BMP1: variants seen among roughly 807,000 people sequenced by gnomAD.
BMP1 encodes the protein bone morphogenetic protein 1.
BMP1 carries 63 observed loss-of-function variants against 116.8 expected under a neutral mutation model. The ratio of observed to expected loss-of-function variants is 0.54; its 90% confidence interval spans 0.44 to 0.67. BMP1 has a LOEUF of 0.67. Among genes scored for constraint, BMP1 ranks in the 30% least tolerant of loss-of-function variants. The pLI is 0.00. For missense variants in BMP1, 1,183 were observed against 1,358.9 expected, an observed-to-expected ratio of 0.87 and a Z score of 2.04; for synonymous variants, 536 against 533.4, an observed-to-expected ratio of 1.00 and a Z score of -0.07.
chr8:22,166,839 G>A (rs1233185678), intron 1 of BMP1, among the ~76,000 whole-genome samples: 3 of 152,156 alleles, frequency 2.0e-5, no homozygotes, highest in East Asian at 1.9e-4. Context: ...CATTTTTCTC[G>A]CTGGGGGCTG....
chr8:22,211,470 G>A (rs1306797178), intron 19 of BMP1, 124 bp from the exon 20 acceptor site: 1 of 1,361,338 alleles, frequency 7.3e-7, no homozygotes, highest in African/African-American at 1.4e-5. Flanking sequence ...ATGCTTCAAG[G>A]GGCGGGGAGA....
At chr8:22,208,980 C>A (rs1450746219) in intron 18 of BMP1, among the ~76,000 whole-genome samples, 3 of 152,226 alleles carry the variant, frequency 2.0e-5, no homozygotes, top group Non-Finnish European at 4.4e-5. Flanking sequence ...CTCCATCTGG[C>A]CCTCAGACCT....
At chr8:22,188,523 C>T (rs957886921) in intron 8 of BMP1, among the ~76,000 whole-genome samples, 1 of 152,150 alleles carries the variant, frequency 6.6e-6, no homozygotes, top group African/African-American at 2.4e-5. Flanking sequence ...AGCCACAGGC[C>T]CAAGTCACCA....
intron 16 of BMP1, among the ~76,000 whole-genome samples, chr8:22,202,315 T>C (rs1829282239): frequency 6.6e-6 from 1 of 152,244 alleles, no homozygotes; most frequent in Non-Finnish European, 1.5e-5. Context: ...TCACTAGCTG[T>C]GTGCCTTTGA....
At position 22,177,118 on chromosome 8, in the gene BMP1, G is replaced by A. The variant is rs766665966; in HGVS notation, c.709G>A (p.Val237Ile). 6 of 1,608,698 alleles carry A rather than the reference G, an allele frequency of 3.7e-6. No individual in the cohort carries two copies. Among genetic ancestry groups the A allele is most frequent in the African/African-American group, 1.3e-5 (1 of 74,784 alleles). ...AGACCGGGACCGCCACGTTTCCATC[G>A]TTCGTGAGAACATCCAGCCAGGTAG... ...RPDRDRHVSI[V>I]RENIQPGQEY... The change falls in exon 5 of 20, where the codon GTT becomes ATT. Residue 237 changes from valine (V) to isoleucine (I), a missense_variant. Physicochemically the swap from Val to Ile is conservative, Grantham distance 29. Coordinates refer to ENST00000306385, the MANE Select transcript of BMP1 (RefSeq NM_006129.5).
At chr8:22,199,359 C>T (rs1405424265) in intron 15 of BMP1, 1 of 1,314,262 alleles carries the variant, frequency 7.6e-7, no homozygotes, top group African/African-American at 1.5e-5. Context: ...TGACCCCTGC[C>T]ACCTTCCGGG....
intron 2 of BMP1, among the ~76,000 whole-genome samples, chr8:22,175,194 T>C (rs1828397401): frequency 6.6e-6 from 1 of 152,226 alleles, no homozygotes; most frequent in Admixed American, 6.5e-5. Context: ...GCCAAACCTT[T>C]GGCCTTAGTT....
Position 22,165,673 on chromosome 8 carries a change from A to AGT in BMP1, c.148+122_148+123dup, listed in dbSNP as rs1828074051. Reference sequence around the variant, plus strand: ...CCGGGAGCTGCCTGGTTGGCAATGCAGTGGGGAACAAAAGAACGAGGGGGA... The same window carrying AGT: ...CCGGGAGCTGCCTGGTTGGCAATGCAGTGTGGGGAACAAAAGAACGAGGGGGA... On this transcript the variant is annotated intron_variant, in intron 1 of 19. Coordinates refer to ENST00000306385, the MANE Select transcript of BMP1 (RefSeq NM_006129.5). 12 of 766,058 alleles carry AGT rather than the reference A, an allele frequency of 1.6e-5. No homozygotes were observed. The South Asian group carries it at 3.1e-4, about 19-fold the overall frequency. The allele number at this position is 766,058 out of a possible 1,614,324, so 47.5% of individuals were successfully genotyped here. A position where few individuals can be genotyped will look rare whatever the true frequency, so the allele number is the denominator to read the frequency against.
chr8:22,206,941 C>T lies in BMP1; in HGVS notation c.2321C>T (p.Thr774Met), dbSNP rs750695022. The T allele has an allele frequency of 1.1e-5, 17 of 1,614,084 alleles. No homozygotes were observed. Among genetic ancestry groups the T allele is most frequent in the East Asian group, 6.7e-5 (3 of 44,894 alleles). Residue 774 changes from threonine to methionine, a missense_variant, in exon 17 of 20, where the codon ACG becomes ATG. Transcript: ENST00000306385. ...PDKYPSKKEC[T>M]WAISSTPGHR... ...AAGTATCCCAGCAAGAAGGAGTGCA[C>T]GTGGGCCATCTCCAGCACCCCCGGG...
intron 16 of BMP1, among the ~76,000 whole-genome samples, chr8:22,206,427 G>C (rs955433121): frequency 2.0e-5 from 3 of 151,220 alleles, no homozygotes; most frequent in Admixed American, 2.0e-4. Context: ...ACTTAAACCT[G>C]GGAGGTGGAG....
At chr8:22,199,607 A>C (rs1045727616) in intron 15 of BMP1, among the ~76,000 whole-genome samples, 2 of 152,226 alleles carry the variant, frequency 1.3e-5, no homozygotes, top group African/African-American at 4.8e-5. Flanking sequence ...TGTACCAGGC[A>C]CTGGACTAGG....
At chr8:22,208,685 G>T (rs2131903991) in intron 18 of BMP1, among the ~76,000 whole-genome samples, 1 of 152,366 alleles carries the variant, frequency 6.6e-6, no homozygotes, top group Middle Eastern at 3.4e-3. Context: ...CTGGAGTCCA[G>T]GGGGATGCCT....
At chr8:22,187,326 TTA>T (rs1828801687) in intron 8 of BMP1, among the ~76,000 whole-genome samples, 1 of 150,150 alleles carries the variant, frequency 6.7e-6, no homozygotes, top group Non-Finnish European at 1.5e-5. Flanking sequence ...AATTAATTAA[TTA>T]ATTTATTTAT....
At chr8:22,201,458 C>CT (rs773306091) in intron 15 of BMP1, 486 of 1,404,826 alleles carry the variant, frequency 3.5e-4, no homozygotes, top group Admixed American at 7.4e-4. Flanking sequence ...AGAGGGACCC[C>CT]TGCGTCCTGC....
In BMP1 at chr8:22,178,032, C is replaced by T. The variant is rs138747447; in HGVS notation, c.836+75C>T. The T allele has an allele frequency of 1.1e-3, 1,338 of 1,218,546 alleles. 30 individuals are homozygous for T. In the East Asian group the frequency reaches 0.026, roughly 23 times the overall value. 75.5% of individuals were successfully genotyped at this position (1,218,546 alleles called of 1,614,324 possible). ...CCCTCTGTAGGCTATTCTCCTCCTG[C>T]CTCCCACTTCTGGGGCAGTGACCCA... On this transcript the variant is annotated intron_variant, in intron 6 of 19. Coordinates refer to ENST00000306385, the MANE Select transcript of BMP1 (RefSeq NM_006129.5).
In BMP1 at chr8:22,201,837, C is replaced by T. The variant is rs780911069; in HGVS notation, c.2142C>T (p.Cys714=). The T allele has an allele frequency of 9.9e-6, 16 of 1,613,756 alleles. No individual in the cohort carries two copies. The South Asian group carries it at 1.6e-4, about 17-fold the overall frequency. The change falls in exon 16 of 20, where the codon TGC becomes TGT. Residue 714 remains cysteine, a synonymous_variant. Coordinates refer to ENST00000306385, the MANE Select transcript of BMP1 (RefSeq NM_006129.5). ...KDECSKDNGG[C]QQDCVNTFGS... ...AGTGCTCCAAGGATAACGGCGGCTG[C>T]CAGCAGGACTGCGTCAACACGTTCG... is the stretch of plus-strand genomic sequence containing the variant.
At position 22,194,843 on chromosome 8, in the gene BMP1, G is replaced by A. The variant is rs11552824; in HGVS notation, c.1563G>A (p.Thr521=). 5.9e-5 allele frequency: 95 copies of A among 1,612,556 alleles called. No homozygotes were observed. In the Admixed American group the frequency reaches 9.2e-4, roughly 16 times the overall value. Residue 521 remains threonine (T), a synonymous_variant, in exon 12 of 20, where the codon ACG becomes ACA. Coordinates refer to ENST00000306385, the MANE Select transcript of BMP1 (RefSeq NM_006129.5). The surrounding 1 kb of genome is among the most constrained non-coding windows in gnomAD (Gnocchi z 4.5). ...GYEKPDDIKS[T]SSRLWLKFVS... ...AGAAGCCTGATGACATCAAGAGCACGTCCAGCCGCCTCTGGCTCAAGTTCG... is the reference window on the plus strand; with the variant it reads ...AGAAGCCTGATGACATCAAGAGCACATCCAGCCGCCTCTGGCTCAAGTTCG...
rs59101470 is a variant in BMP1 at position 22,176,796 on chromosome 8, C to T, written c.551+146C>T. 72,762 of 1,006,890 alleles carry T rather than the reference C, an allele frequency of 0.072. 3,826 individuals are homozygous for T. The highest frequency in any genetic ancestry group is 0.22 in the African/African-American group (13,820 of 63,038). The allele number at this position is 1,006,890 out of a possible 1,614,324, so 62.4% of individuals were successfully genotyped here. On this transcript the variant is annotated intron_variant, in intron 4 of 19. Coordinates refer to ENST00000306385, the MANE Select transcript of BMP1 (RefSeq NM_006129.5). Reference sequence around the variant, plus strand: ...GGGGCATCTACCCAGGAACTGCCCCCTGTGCGGCTGTGACCTCCAGCACAC... The same window carrying T: ...GGGGCATCTACCCAGGAACTGCCCCTTGTGCGGCTGTGACCTCCAGCACAC...
chr8:22,206,585 T>C (rs1829360753), intron 16 of BMP1, among the ~76,000 whole-genome samples: 1 of 151,928 alleles, frequency 6.6e-6, no homozygotes, highest in Non-Finnish European at 1.5e-5. Flanking sequence ...TACAAAGGTC[T>C]GGGGGTTGTC....
Sources: allele counts gnomAD v4.1 joint callset (sites outside exome capture counted in the v4.1 genomes callset), GRCh38; gene constraint gnomAD v4.1.1; non-coding constraint Gnocchi (gnomAD v3.1); transcripts MANE v1.5; gene names NCBI Gene and HGNC (gene_info 2026-07-23, HGNC 2026-07-21).